Variants in LINGO2 observed in about 807,000 individuals in gnomAD.
LINGO2 encodes the protein leucine rich repeat and Ig domain containing 2.
LINGO2 carries 14 observed loss-of-function variants against 30.6 expected under a neutral mutation model. That is an observed-to-expected ratio of 0.46 (90% CI 0.30 to 0.72). The LOEUF (loss-of-function observed/expected upper bound fraction) is 0.72. Ranked by LOEUF, LINGO2 falls within the 30% of genes least tolerant of loss-of-function variation. The probability of loss-of-function intolerance (pLI) is 0.07; values close to 1 mark genes in which losing one functional copy is unlikely to be tolerated. For missense variants in LINGO2, 729 were observed against 751.7 expected, an observed-to-expected ratio of 0.97 and a Z score of 0.35; for synonymous variants, 317 against 288.5, an observed-to-expected ratio of 1.10 and a Z score of -1.00.
At chr9:28,259,846 C>A (rs1222990354) in intron 4 of LINGO2, among the ~76,000 whole-genome samples, 1 of 151,876 alleles carries the variant, frequency 6.6e-6, no homozygotes, top group African/African-American at 2.4e-5. Context: ...GCCACCAGCC[C>A]TGATTAGAGC....
chr9:28,643,852 A>C (rs1263637884), intron 1 of LINGO2, among the ~76,000 whole-genome samples: 1 of 152,196 alleles, frequency 6.6e-6, no homozygotes, highest in Non-Finnish European at 1.5e-5. Flanking sequence ...AAAACATAAA[A>C]ATCCACTTTA....
chr9:28,978,943 T>C, the LINGO2 span, among the ~76,000 whole-genome samples: 2 of 152,154 alleles, frequency 1.3e-5, no homozygotes, highest in Admixed American at 6.6e-5. Context: ...TTATTTTTAT[T>C]CCAAATATCA....
At chr9:28,576,924 T>A (rs1356845684) in intron 1 of LINGO2, among the ~76,000 whole-genome samples, 8 of 152,166 alleles carry the variant, frequency 5.3e-5, no homozygotes, top group Non-Finnish European at 1.0e-4. Context: ...AACTGCAAAA[T>A]TTTTTAAATC....
chr9:28,752,084 T>C, the LINGO2 span, among the ~76,000 whole-genome samples: 480 of 152,134 alleles, frequency 3.2e-3, 9 homozygotes, highest in African/African-American at 0.011. Flanking sequence ...CAGATATACT[T>C]AATAAAATCC....
At chr9:28,287,531 T>A (rs1823558745) in intron 4 of LINGO2, among the ~76,000 whole-genome samples, 1 of 152,212 alleles carries the variant, frequency 6.6e-6, no homozygotes. Flanking sequence ...TAGGTTTTTG[T>A]GAGCAGTATG....
chr9:28,478,338 T>C (rs1587727147), intron 1 of LINGO2, among the ~76,000 whole-genome samples: 1 of 152,220 alleles, frequency 6.6e-6, no homozygotes, highest in Non-Finnish European at 1.5e-5. Context: ...TTCTGTTTTT[T>C]TTTCTCAGTT....
chr9:28,182,395 T>C (rs914301747), intron 4 of LINGO2, among the ~76,000 whole-genome samples: 2 of 152,178 alleles, frequency 1.3e-5, no homozygotes, highest in Non-Finnish European at 2.9e-5. Context: ...ATTCAGGACA[T>C]AGGCATGGGC....
At chr9:28,570,969 C>G (rs1280496021) in intron 1 of LINGO2, among the ~76,000 whole-genome samples, 1 of 149,252 alleles carries the variant, frequency 6.7e-6, no homozygotes, top group African/African-American at 2.5e-5. Context: ...TGATATTCAA[C>G]TGAAAAAAAA....
intron 4 of LINGO2, among the ~76,000 whole-genome samples, chr9:28,092,441 C>T (rs1210938227): frequency 1.3e-5 from 2 of 150,128 alleles, no homozygotes; most frequent in East Asian, 4.0e-4. Flanking sequence ...CAAACTGTCG[C>T]AAGGACAAAA....
chr9:29,168,310 T>G, the LINGO2 span, among the ~76,000 whole-genome samples: 1 of 152,128 alleles, frequency 6.6e-6, no homozygotes, highest in African/African-American at 2.4e-5. Flanking sequence ...GTATGTTTGA[T>G]GTAATAGACT....
intron 3 of LINGO2, among the ~76,000 whole-genome samples, chr9:28,357,872 A>C (rs573402034): frequency 6.6e-6 from 1 of 152,166 alleles, no homozygotes. Context: ...TAGGGAATCA[A>C]TACATATTAG....
At chr9:28,959,612 T>TCTCTCACA in the LINGO2 span, among the ~76,000 whole-genome samples, 5,562 of 131,924 alleles carry the variant, frequency 0.042, 184 homozygotes, top group African/African-American at 0.096. Context: ...TCTCTCTCCC[T>TCTCTCACA]CACACACACA....
intron 3 of LINGO2, among the ~76,000 whole-genome samples, chr9:28,304,435 T>A (rs1422145596): frequency 4.6e-5 from 7 of 151,766 alleles, no homozygotes. Context: ...AACATAAGAT[T>A]TTATGTATAC....
intron 3 of LINGO2, among the ~76,000 whole-genome samples, chr9:28,370,518 C>T (rs1186331155): frequency 6.6e-6 from 1 of 152,024 alleles, no homozygotes; most frequent in African/African-American, 2.4e-5. Context: ...TAATGAACTG[C>T]ACAACATTTA....
the LINGO2 span, among the ~76,000 whole-genome samples, chr9:29,137,917 A>G: frequency 6.6e-6 from 1 of 152,138 alleles, no homozygotes; most frequent in Non-Finnish European, 1.5e-5. Flanking sequence ...TAGGACTAAT[A>G]GGACTGTTAT....
chr9:27,955,925 T>C (rs1051721407), intron 5 of LINGO2, among the ~76,000 whole-genome samples: 9 of 147,476 alleles, frequency 6.1e-5, no homozygotes, highest in Non-Finnish European at 1.3e-4. Context: ...CCCTTCGACA[T>C]GGATACTGAC....
At chr9:28,166,387 C>T (rs2133625719) in intron 4 of LINGO2, among the ~76,000 whole-genome samples, 1 of 152,280 alleles carries the variant, frequency 6.6e-6, no homozygotes, top group East Asian at 1.9e-4. Context: ...TGGGAGGTAC[C>T]TACCGGATGC....
rs183665523 is a variant in LINGO2, at chr9:28,558,374, G to A, written c.-364-82349C>T. Among the ~76,000 whole-genome samples the A allele has an allele frequency of 3.0e-3, 457 of 152,000 alleles. 2 individuals carry two copies. Among genetic ancestry groups the A allele is most frequent in the Non-Finnish European group, 4.7e-3 (321 of 67,992 alleles). On this transcript the variant is annotated intron_variant, in intron 1 of 5. Transcript: ENST00000379992. ...CTGTAGATCTCAATAAGAGGGGAGA[G>A]TCAGGCAGGGTGAAGTGTTTCAGCG...
In LINGO2 at chr9:28,099,728, A is replaced by C. The variant is rs1036027180; in HGVS notation, c.-86-87323T>G. ...CTTAACACCCAAACTATCCTCATGA[A>C]ATATTGATTCACACTGATAAAATGG... On this transcript the variant is annotated intron_variant, in intron 4 of 5. Transcript: ENST00000379992. Among the ~76,000 whole-genome samples, 6 of 152,164 alleles carry C rather than the reference A, an allele frequency of 3.9e-5. No individual in the cohort carries two copies. In the East Asian group the frequency reaches 9.6e-4, roughly 24 times the overall value.
Sources: gnomAD v4.1 joint callset for allele counts (sites outside exome capture counted in the v4.1 genomes callset) on GRCh38, gnomAD v4.1.1 for gene constraint, MANE v1.5 for transcripts, NCBI Gene and HGNC (gene_info 2026-07-23, HGNC 2026-07-21) for gene names.